ARHGAP12: variants seen among roughly 807,000 people sequenced by gnomAD.
The protein encoded by ARHGAP12 is Rho GTPase activating protein 12, also known as rho GTPase-activating protein 12.
A neutral mutation model predicts 108.6 loss-of-function variants in ARHGAP12; 64 were observed. The observed-to-expected ratio is 0.59, with a 90% confidence interval of 0.48 to 0.73. ARHGAP12 has a LOEUF of 0.73. ARHGAP12 is among the 30% of genes least tolerant of loss of function. ARHGAP12 has a pLI of 0.00. For synonymous variants in ARHGAP12, 312 were observed against 337.2 expected, an observed-to-expected ratio of 0.93 and a Z score of 0.82; for missense variants, 940 against 1,005.9, an observed-to-expected ratio of 0.93 and a Z score of 0.89.
intron 1 of ARHGAP12, among the ~76,000 whole-genome samples, chr10:31,914,718 G>A (rs193185222): frequency 6.6e-6 from 1 of 152,128 alleles, no homozygotes; most frequent in African/African-American, 2.4e-5. Flanking sequence ...TGCCATAATG[G>A]AAAACAATAT....
intron 3 of ARHGAP12, among the ~76,000 whole-genome samples, chr10:31,889,758 C>A (rs1838343041): frequency 6.6e-6 from 1 of 150,820 alleles, no homozygotes; most frequent in South Asian, 2.1e-4. Context: ...TCACGAGTAG[C>A]TGGGACTACA....
chr10:31,860,139 A>C (rs1394732049), intron 4 of ARHGAP12, among the ~76,000 whole-genome samples: 3 of 152,210 alleles, frequency 2.0e-5, no homozygotes, highest in Admixed American at 6.5e-5. Context: ...TTGAACACTA[A>C]AAACACAAAT....
At chr10:31,856,738 C>T (rs1836900575) in intron 4 of ARHGAP12, among the ~76,000 whole-genome samples, 1 of 152,082 alleles carries the variant, frequency 6.6e-6, no homozygotes, top group African/African-American at 2.4e-5. Flanking sequence ...GAACTATAAC[C>T]TCACATTAAA....
intron 3 of ARHGAP12, among the ~76,000 whole-genome samples, chr10:31,867,959 G>C (rs1459472826): frequency 6.6e-6 from 1 of 152,058 alleles, no homozygotes; most frequent in Admixed American, 6.6e-5. Context: ...CAGCACTTTA[G>C]TAGGAGGCCG....
intron 3 of ARHGAP12, among the ~76,000 whole-genome samples, chr10:31,874,852 TA>T (rs973128614): frequency 6.6e-6 from 1 of 151,592 alleles, no homozygotes; most frequent in Non-Finnish European, 1.5e-5. Flanking sequence ...CCAGCACCTG[TA>T]ATCTCAGCTA....
At chr10:31,814,184 A>G (rs1329712896) in intron 14 of ARHGAP12, 75 bp downstream of exon 14, 15 of 1,163,874 alleles carry the variant, frequency 1.3e-5, no homozygotes, top group East Asian at 2.3e-5. Flanking sequence ...CAGCTTTTAT[A>G]TATGTATTTA....
intron 10 of ARHGAP12, among the ~76,000 whole-genome samples, chr10:31,827,528 A>G (rs1459887507): frequency 6.6e-5 from 10 of 152,202 alleles, no homozygotes; most frequent in Admixed American, 6.5e-4. Context: ...GCGGTGGCTC[A>G]CGCCTGTAAT....
At chr10:31,838,445 G>A (rs2132224953) in intron 9 of ARHGAP12, among the ~76,000 whole-genome samples, 1 of 152,198 alleles carries the variant, frequency 6.6e-6, no homozygotes, top group African/African-American at 2.4e-5. Context: ...ACTTTGGGAG[G>A]CCAAGGCAGG....
At chr10:31,839,550 T>A in intron 8 of ARHGAP12, 87 bp downstream of exon 8, 1 of 1,287,018 alleles carries the variant, frequency 7.8e-7, no homozygotes. Context: ...GAAGCTCATT[T>A]AAACATTACA....
intron 3 of ARHGAP12, among the ~76,000 whole-genome samples, chr10:31,887,443 A>G (rs746759864): frequency 3.9e-5 from 6 of 152,306 alleles, no homozygotes; most frequent in Non-Finnish European, 8.8e-5. Context: ...AAGAACCATC[A>G]CAAGTTCACC....
At chr10:31,817,983 G>A (rs1835270835) in intron 12 of ARHGAP12, 97 bp from the exon 13 acceptor site, 1 of 815,588 alleles carries the variant, frequency 1.2e-6, no homozygotes, top group Admixed American at 2.4e-5. Context: ...AAACCACCAA[G>A]AGTAGCTGCC....
At chr10:31,885,727 G>A (rs1183781483) in intron 3 of ARHGAP12, among the ~76,000 whole-genome samples, 7 of 151,556 alleles carry the variant, frequency 4.6e-5, no homozygotes, top group South Asian at 2.1e-4. Flanking sequence ...GCTGAGGCAC[G>A]AGAATCGCTT....
intron 16 of ARHGAP12, 136 bp from the exon 17 acceptor site, chr10:31,809,443 A>G: frequency 1.3e-6 from 1 of 767,546 alleles, no homozygotes; most frequent in Non-Finnish European, 2.2e-6. Context: ...CTTTTTCTCT[A>G]AATGGCTTCT....
At chr10:31,895,383 G>A (rs1328428752) in intron 3 of ARHGAP12, among the ~76,000 whole-genome samples, 1 of 152,096 alleles carries the variant, frequency 6.6e-6, no homozygotes, top group Admixed American at 6.5e-5. Context: ...AATCTACAAA[G>A]AACTTAAACA....
At chr10:31,872,209 C>T (rs1015545453) in intron 3 of ARHGAP12, among the ~76,000 whole-genome samples, 1 of 152,144 alleles carries the variant, frequency 6.6e-6, no homozygotes, top group Non-Finnish European at 1.5e-5. Flanking sequence ...GAAATCCACA[C>T]ACTAACTCCC....
intron 3 of ARHGAP12, among the ~76,000 whole-genome samples, chr10:31,881,084 C>A (rs1338009107): frequency 6.6e-6 from 1 of 151,832 alleles, no homozygotes; most frequent in Non-Finnish European, 1.5e-5. Context: ...AGGTGATTCT[C>A]CTACCTCAGC....
chr10:31,816,960 T>A (rs1273686078), intron 13 of ARHGAP12, among the ~76,000 whole-genome samples: 1 of 152,192 alleles, frequency 6.6e-6, no homozygotes, highest in Non-Finnish European at 1.5e-5. Context: ...TTCCTATCAG[T>A]AGTATCTTTC....
chr10:31,837,127 T>C (rs1220851027), intron 9 of ARHGAP12, among the ~76,000 whole-genome samples: 5 of 152,208 alleles, frequency 3.3e-5, no homozygotes, highest in Non-Finnish European at 2.9e-5. Flanking sequence ...ACTTTGCTTC[T>C]AGGATTACTT....
At chr10:31,833,680 T>A (rs1835914410) in intron 9 of ARHGAP12, among the ~76,000 whole-genome samples, 1 of 152,176 alleles carries the variant, frequency 6.6e-6, no homozygotes, top group Admixed American at 6.5e-5. Flanking sequence ...ATGTGATACA[T>A]GCTATGAGAA....
Sources: allele counts gnomAD v4.1 joint callset (sites outside exome capture counted in the v4.1 genomes callset), GRCh38; gene constraint gnomAD v4.1.1; transcripts MANE v1.5; gene names NCBI Gene and HGNC (gene_info 2026-07-23, HGNC 2026-07-21).